Variants in KCNB2 observed in about 807,000 individuals in gnomAD.
KCNB2 encodes the protein potassium voltage-gated channel subfamily B member 2.
A neutral mutation model predicts 61.5 loss-of-function variants in KCNB2; 15 were observed. That is an observed-to-expected ratio of 0.24 (90% CI 0.16 to 0.38). The LOEUF (loss-of-function observed/expected upper bound fraction) is 0.38, where lower values mean the gene tolerates loss of function less well. Among genes scored for constraint, KCNB2 ranks in the 10% least tolerant of loss-of-function variants. KCNB2 has a pLI of 1.00. For synonymous variants in KCNB2, 457 were observed against 446.0 expected (o/e 1.02, Z -0.31); for missense variants, 828 against 1,125.2 (o/e 0.74, Z 3.78).
chr8:72,888,660 T>G (rs1315557918), intron 2 of KCNB2, among the ~76,000 whole-genome samples: 1 of 152,286 alleles, frequency 6.6e-6, no homozygotes, highest in East Asian at 1.9e-4. Context: ...AAGCCTGACT[T>G]GAAAAACAGC....
chr8:72,792,668 T>A (rs1808964841), intron 2 of KCNB2, among the ~76,000 whole-genome samples: 1 of 152,168 alleles, frequency 6.6e-6, no homozygotes, highest in Non-Finnish European at 1.5e-5. Context: ...ATATATATAT[T>A]TTTAAATTTT....
intron 1 of KCNB2, among the ~76,000 whole-genome samples, chr8:72,542,662 C>T (rs1806207385): frequency 1.3e-5 from 2 of 151,964 alleles, no homozygotes; most frequent in African/African-American, 4.8e-5. Flanking sequence ...ACTGCCTAGG[C>T]CCACAAGGAG....
At chr8:72,544,357 G>T (rs1216351976) in intron 1 of KCNB2, among the ~76,000 whole-genome samples, 1 of 152,166 alleles carries the variant, frequency 6.6e-6, no homozygotes, top group Non-Finnish European at 1.5e-5. Flanking sequence ...TGAAAGGCAG[G>T]TTGTTGGGGG....
chr8:72,632,002 T>A (rs1805889226), intron 2 of KCNB2, among the ~76,000 whole-genome samples: 1 of 152,120 alleles, frequency 6.6e-6, no homozygotes, highest in Non-Finnish European at 1.5e-5. Context: ...TTGGGGAGGC[T>A]GAGGCAGGAG....
At chr8:72,635,265 G>A (rs1359276948) in intron 2 of KCNB2, among the ~76,000 whole-genome samples, 3 of 152,124 alleles carry the variant, frequency 2.0e-5, no homozygotes, top group Admixed American at 1.3e-4. Context: ...GTAGACAGAG[G>A]CAACACCCAA....
chr8:72,805,424 C>T (rs1380631438), intron 2 of KCNB2, among the ~76,000 whole-genome samples: 1 of 152,104 alleles, frequency 6.6e-6, no homozygotes, highest in Non-Finnish European at 1.5e-5. Context: ...TGGCCTCCTC[C>T]TGAGGAAAGT....
chr8:72,885,085 G>T (rs1422695640), intron 2 of KCNB2, among the ~76,000 whole-genome samples: 1 of 151,952 alleles, frequency 6.6e-6, no homozygotes, highest in African/African-American at 2.4e-5. Context: ...AAAATTTTTG[G>T]TGTCTATTGA....
chr8:72,823,693 A>T (rs1005563509), intron 2 of KCNB2, among the ~76,000 whole-genome samples: 5 of 152,228 alleles, frequency 3.3e-5, no homozygotes, highest in Non-Finnish European at 5.9e-5. Context: ...TGTCTCATGA[A>T]TTCTAAGAAC....
At chr8:72,595,102 C>A (rs1207504952) in intron 2 of KCNB2, among the ~76,000 whole-genome samples, 1 of 151,924 alleles carries the variant, frequency 6.6e-6, no homozygotes, top group African/African-American at 2.4e-5. Context: ...CAATGGAGAA[C>A]AATCAACATC....
At chr8:72,762,314 A>T (rs1313032661) in intron 2 of KCNB2, among the ~76,000 whole-genome samples, 1 of 152,262 alleles carries the variant, frequency 6.6e-6, no homozygotes, top group East Asian at 1.9e-4. Flanking sequence ...CTATTCCAGT[A>T]TAAGCATATC....
chr8:72,588,922 A>G (rs1807045011), intron 2 of KCNB2, among the ~76,000 whole-genome samples: 1 of 151,978 alleles, frequency 6.6e-6, no homozygotes, highest in Non-Finnish European at 1.5e-5. Flanking sequence ...ACAAAGCAAC[A>G]AAAAAAGAAA....
chr8:72,681,888 T>G (rs1254328115), intron 2 of KCNB2, among the ~76,000 whole-genome samples: 4 of 152,218 alleles, frequency 2.6e-5, no homozygotes, highest in Non-Finnish European at 5.9e-5. Context: ...ACTGAAGCTC[T>G]GTTATGCACC....
intron 2 of KCNB2, among the ~76,000 whole-genome samples, chr8:72,844,483 C>T (rs1389431351): frequency 6.6e-6 from 1 of 152,142 alleles, no homozygotes; most frequent in Non-Finnish European, 1.5e-5. Context: ...GAATGTTGCC[C>T]TATCTTGCTA....
chr8:72,896,461 G>A (rs1306874091), intron 2 of KCNB2, among the ~76,000 whole-genome samples: 1 of 152,058 alleles, frequency 6.6e-6, no homozygotes, highest in Non-Finnish European at 1.5e-5. Context: ...TCAAATTATA[G>A]CAGAAAGGTT....
In KCNB2 at chr8:72,838,561, G is replaced by A. The variant is rs183889328; in HGVS notation, c.580-97374G>A. 2.9e-3 allele frequency among the ~76,000 whole-genome samples: 439 copies of A among 152,216 alleles called. 1 individual carries two copies. The highest frequency in any genetic ancestry group is 9.0e-3 in the African/African-American group (374 of 41,514). On this transcript the variant is annotated intron_variant, in intron 2 of 2. Transcript: ENST00000523207. ...AGTCTTTGCTATTGTGAATAGTGCC[G>A]CAATAAACATACGTGTGCATGTGTC...
chr8:72,690,574 A>T (rs1806925151), intron 2 of KCNB2, among the ~76,000 whole-genome samples: 1 of 152,234 alleles, frequency 6.6e-6, no homozygotes, highest in African/African-American at 2.4e-5. Flanking sequence ...ATCTTCTTGC[A>T]GACATAACCA....
At chr8:72,735,549 G>A (rs1807829154) in intron 2 of KCNB2, among the ~76,000 whole-genome samples, 1 of 152,158 alleles carries the variant, frequency 6.6e-6, no homozygotes, top group African/African-American at 2.4e-5. Context: ...ATGTCATCTA[G>A]TACAATCGGC....
chr8:72,654,433 T>C (rs889410029), intron 2 of KCNB2, among the ~76,000 whole-genome samples: 1 of 152,160 alleles, frequency 6.6e-6, no homozygotes, highest in African/African-American at 2.4e-5. Flanking sequence ...CCACAATCTC[T>C]AGAAGAGTGC....
Position 72,728,218 on chromosome 8 carries a change from T to C in KCNB2, c.579+159905T>C, listed in dbSNP as rs191004305. Among the ~76,000 whole-genome samples, 293 of 152,298 alleles carry C rather than the reference T, an allele frequency of 1.9e-3. 1 individual carries two copies. Among genetic ancestry groups the C allele is most frequent in the African/African-American group, 4.2e-3 (176 of 41,576 alleles). On this transcript the variant is annotated intron_variant, in intron 2 of 2. Transcript: ENST00000523207. ...CTGCTCAGTTTTTAACTTGAGAGAATGGAAATAAACGTTAACCCCATGTAT... is the reference window on the plus strand; with the variant it reads ...CTGCTCAGTTTTTAACTTGAGAGAACGGAAATAAACGTTAACCCCATGTAT...
Sources: allele counts gnomAD v4.1 joint callset (sites outside exome capture counted in the v4.1 genomes callset), GRCh38; gene constraint gnomAD v4.1.1; transcripts MANE v1.5; gene names NCBI Gene and HGNC (gene_info 2026-07-23, HGNC 2026-07-21).